Variants in RTN4RL2 observed in about 807,000 individuals in gnomAD.
RTN4RL2 encodes the protein reticulon 4 receptor like 2, also known as reticulon-4 receptor-like 2.
In RTN4RL2, 9 loss-of-function variants were observed where a neutral mutation model predicts 27.8. The observed-to-expected ratio is 0.32, with a 90% CI of 0.20 to 0.57. The LOEUF is 0.57. RTN4RL2 is among the 20% of genes least tolerant of loss of function. RTN4RL2 has a pLI of 0.90. For synonymous variants in RTN4RL2, 285 were observed against 297.9 expected (o/e 0.96, Z 0.45); for missense variants, 436 against 596.8 (o/e 0.73, Z 2.81).
rs775948508 is a variant in RTN4RL2, at chr11:57,469,449, CA to C, written c.513+1360del. ...CACTCTGCCATTTACAAGCGTGTGA[CA>C]TTTTTTTTTTTTACCTCCTCAGACC... On this transcript the variant is annotated intron_variant, in intron 2 of 2. Transcript: ENST00000335099. Among the ~76,000 whole-genome samples the C allele has an allele frequency of 1.4e-3, 206 of 151,732 alleles. 1 individual carries two copies. The highest frequency in any genetic ancestry group is 6.9e-3 in the Middle Eastern group (2 of 290).
Position 57,467,611 on chromosome 11 carries a change from C to A in RTN4RL2, c.34C>A (p.Pro12Thr). The A allele has an allele frequency of 6.2e-7, 1 of 1,603,704 alleles. No homozygotes were observed. Among genetic ancestry groups the A allele is most frequent in the Non-Finnish European group, 8.5e-7 (1 of 1,174,584 alleles). Residue 12 changes from proline to threonine, a missense_variant and splice_region_variant, in exon 2 of 3, where the codon CCC becomes ACC. Pro to Thr is a conservative substitution (Grantham distance 38). This residue lies in a region of RTN4RL2 where 365 missense variants were observed against 530.5 expected (regional missense o/e 0.69). Transcript: ENST00000335099. The surrounding 1 kb of genome is among the most constrained non-coding windows in gnomAD (Gnocchi z 5.5). ...LPGLRRLLQA[P>T]ASACLLLMLL... ...AGTTCTGCTTCCCCTCCCCACAGCTCCCGCCTCGGCCTGCCTCCTGCTGAT... is the reference window on the plus strand; with the variant it reads ...AGTTCTGCTTCCCCTCCCCACAGCTACCGCCTCGGCCTGCCTCCTGCTGAT...
intron 2 of RTN4RL2, among the ~76,000 whole-genome samples, chr11:57,475,072 G>A (rs1374775041): frequency 1.3e-5 from 2 of 152,136 alleles, no homozygotes; most frequent in Admixed American, 6.5e-5. Context: ...AAAGGGACAG[G>A]ACCCAATTGT....
At chr11:57,471,902 A>G (rs1004611033) in intron 2 of RTN4RL2, among the ~76,000 whole-genome samples, 1 of 151,876 alleles carries the variant, frequency 6.6e-6, no homozygotes, top group Non-Finnish European at 1.5e-5. Flanking sequence ...TCTCTTGCTC[A>G]GGCTGGAGTG....
intron 2 of RTN4RL2, among the ~76,000 whole-genome samples, chr11:57,470,855 C>T (rs1943558897): frequency 6.6e-6 from 1 of 152,140 alleles, no homozygotes; most frequent in Admixed American, 6.6e-5. Flanking sequence ...CTGAACCTCA[C>T]TTACTTTATC....
At chr11:57,475,246 C>T (rs866965154) in intron 2 of RTN4RL2, among the ~76,000 whole-genome samples, 1 of 152,110 alleles carries the variant, frequency 6.6e-6, no homozygotes, top group African/African-American at 2.4e-5. Flanking sequence ...CCTGAGACTC[C>T]ATGAGGTTAA....
At position 57,463,140 on chromosome 11, in the gene RTN4RL2, A is replaced by C. The variant is rs535522119; in HGVS notation, c.31+2244A>C. On this transcript the variant is annotated intron_variant, in intron 1 of 2. Coordinates refer to ENST00000335099, the MANE Select transcript of RTN4RL2 (RefSeq NM_178570.3). ...TCCAATCTGGGTTCCACCTTGTACT[A>C]GCTGCATGACCTGAGGCCACTGTGT... 5.3e-5 allele frequency among the ~76,000 whole-genome samples: 8 copies of C among 152,230 alleles called. No individual in the cohort carries two copies. In the South Asian group the frequency reaches 1.7e-3, roughly 32 times the overall value.
intron 2 of RTN4RL2, among the ~76,000 whole-genome samples, chr11:57,475,249 G>A (rs1288061058): frequency 6.6e-6 from 1 of 152,182 alleles, no homozygotes; most frequent in Non-Finnish European, 1.5e-5. Flanking sequence ...GAGACTCCAT[G>A]AGGTTAAAAC....
At position 57,476,972 on chromosome 11, in the gene RTN4RL2, G is replaced by A; in HGVS notation, c.*61G>A. The stretch of plus-strand genomic sequence containing the variant: ...CCCCGCTTCCCGTCCACCCGGGGCT[G>A]CGGCTCCGGCCCCAGTCGCCCCACC... On this transcript the variant is annotated 3_prime_UTR_variant, in exon 3 of 3. Transcript: ENST00000335099. The surrounding 1 kb of genome is among the most constrained non-coding windows in gnomAD (Gnocchi z 8.2). 1 of 1,474,726 alleles carries A rather than the reference G, an allele frequency of 6.8e-7. No individual in the cohort carries two copies. Among genetic ancestry groups the A allele is most frequent in the Non-Finnish European group, 9.0e-7 (1 of 1,114,518 alleles). The allele number at this position is 1,474,726 out of a possible 1,614,324, so 91.4% of individuals were successfully genotyped here.
intron 2 of RTN4RL2, chr11:57,469,025 C>T: frequency 1.6e-6 from 1 of 619,084 alleles, no homozygotes; most frequent in South Asian, 1.9e-5. Flanking sequence ...GTGAAAATAT[C>T]CAAATTCTGC....
chr11:57,470,106 C>T (rs1943553056), intron 2 of RTN4RL2, among the ~76,000 whole-genome samples: 1 of 152,156 alleles, frequency 6.6e-6, no homozygotes, highest in South Asian at 2.1e-4. Context: ...TGAGCAGGCT[C>T]ATTTTTGAAA....
intron 1 of RTN4RL2, among the ~76,000 whole-genome samples, chr11:57,465,136 C>T (rs573579924): frequency 6.4e-4 from 97 of 152,238 alleles, no homozygotes; most frequent in African/African-American, 2.0e-3. Flanking sequence ...TCTTCCACCC[C>T]GCACCTGTGT....
chr11:57,465,048 A>G (rs1342189963), intron 1 of RTN4RL2, among the ~76,000 whole-genome samples: 12 of 152,066 alleles, frequency 7.9e-5, no homozygotes, highest in Admixed American at 7.2e-4. Flanking sequence ...CCGACGCAGC[A>G]CCGACGCAGC....
chr11:57,474,944 A>ATG (rs2135124211), intron 2 of RTN4RL2, among the ~76,000 whole-genome samples: 1 of 152,286 alleles, frequency 6.6e-6, no homozygotes, highest in Non-Finnish European at 1.5e-5. Flanking sequence ...TAGTAATGCA[A>ATG]TGTGGCTTCC....
intron 1 of RTN4RL2, among the ~76,000 whole-genome samples, chr11:57,462,362 C>T (rs1400442878): frequency 6.6e-6 from 1 of 152,180 alleles, no homozygotes; most frequent in African/African-American, 2.4e-5. Context: ...TCAGCCCCTG[C>T]CCCCTCAGCA....
At chr11:57,474,619 A>C (rs1383236507) in intron 2 of RTN4RL2, among the ~76,000 whole-genome samples, 1 of 152,208 alleles carries the variant, frequency 6.6e-6, no homozygotes, top group East Asian at 1.9e-4. Context: ...CAAGGCAGTG[A>C]GGTCAGGGAG....
At chr11:57,471,813 G>A (rs1053827120) in intron 2 of RTN4RL2, among the ~76,000 whole-genome samples, 3 of 152,184 alleles carry the variant, frequency 2.0e-5, no homozygotes, top group Admixed American at 6.5e-5. Context: ...TTCTCCCAGA[G>A]CATATTCCCT....
At position 57,465,990 on chromosome 11, in the gene RTN4RL2, A is replaced by ATTTT. The variant is rs35174184; in HGVS notation, c.32-1594_32-1591dup. Reference sequence around the variant, plus strand: ...AACATAGCAAGACCCCATGCCTACAATTTTTTTTTTTTTTTTTTTTTTTTT... The same window carrying ATTTT: ...AACATAGCAAGACCCCATGCCTACAATTTTTTTTTTTTTTTTTTTTTTTTTTTTT... On this transcript the variant is annotated intron_variant, in intron 1 of 2. Transcript: ENST00000335099. Among the ~76,000 whole-genome samples, 56 of 77,898 alleles carry ATTTT rather than the reference A, an allele frequency of 7.2e-4. 4 individuals are homozygous for ATTTT. The highest frequency in any genetic ancestry group is 3.0e-3 in the African/African-American group (54 of 17,832). 51.1% of individuals were successfully genotyped at this position (77,898 alleles called of 152,430 possible). A position where few individuals can be genotyped will look rare whatever the true frequency, so the allele number is the denominator to read the frequency against.
intron 2 of RTN4RL2, 42 bp downstream of exon 2, chr11:57,468,132 CCTCT>C (rs1378868401): frequency 6.5e-7 from 1 of 1,543,718 alleles, no homozygotes; most frequent in African/African-American, 1.4e-5. Flanking sequence ...TTTCTGGTTT[CCTCT>C]CTCTGTGGGC....
At position 57,460,849 on chromosome 11, in the gene RTN4RL2, C is replaced by T; in HGVS notation, c.-17C>T. On this transcript the variant is annotated 5_prime_UTR_variant, in exon 1 of 3. Coordinates refer to ENST00000335099, the MANE Select transcript of RTN4RL2 (RefSeq NM_178570.3). ...CGCCCTCCCCCCGCTGCCCCCTCCC[C>T]CGAGCATCGAGACAAGATGCTGCCC... 7.1e-7 allele frequency: 1 copy of T among 1,406,286 alleles called. No homozygotes were observed. The highest frequency in any genetic ancestry group is 2.9e-5 in the Admixed American group (1 of 34,746). The allele number at this position is 1,406,286 out of a possible 1,614,324, so 87.1% of individuals were successfully genotyped here.
Sources: gnomAD v4.1 joint callset for allele counts (sites outside exome capture counted in the v4.1 genomes callset) on GRCh38, gnomAD v4.1.1 for gene constraint, gnomAD v4.1.1 regional missense constraint, Gnocchi (gnomAD v3.1) non-coding constraint, MANE v1.5 for transcripts, NCBI Gene and HGNC (gene_info 2026-07-23, HGNC 2026-07-21) for gene names.